The following CNIH3 variants were observed in gnomAD, a reference collection of about 807,000 sequenced individuals.
CNIH3 encodes the protein cornichon family AMPA receptor auxiliary protein 3, also known as protein cornichon homolog 3.
CNIH3 carries 14 observed loss-of-function variants against 24.1 expected under a neutral mutation model. The ratio of observed to expected loss-of-function variants is 0.58; its 90% CI spans 0.38 to 0.91. CNIH3 has a LOEUF of 0.91. CNIH3 is among the 40% of genes least tolerant of loss of function. The pLI, the probability that CNIH3 is intolerant of heterozygous loss-of-function variation, is 0.00. For synonymous variants in CNIH3, 68 were observed against 73.8 expected, an observed-to-expected ratio of 0.92 and a Z score of 0.40; for missense variants, 178 against 196.8, an observed-to-expected ratio of 0.90 and a Z score of 0.57.
At chr1:224,507,638 C>T (rs1291776928) in intron 1 of CNIH3, among the ~76,000 whole-genome samples, 1 of 152,150 alleles carries the variant, frequency 6.6e-6, no homozygotes, top group Admixed American at 6.5e-5. Context: ...CAAAACTCAC[C>T]TTCATCTCTG....
At position 224,734,123 on chromosome 1, in the gene CNIH3, A is replaced by G. The variant is rs548428941; in HGVS notation, c.312-440A>G. ...GCACCTGTAAACTGCTCTGCGCTCA[A>G]GTGAGAATAGGATGTCCCGAAGTAT... On this transcript the variant is annotated intron_variant, in intron 4 of 5. Transcript: ENST00000272133. Among the ~76,000 whole-genome samples the G allele has an allele frequency of 1.1e-4, 17 of 152,298 alleles. No homozygotes were observed. In the East Asian group the frequency reaches 3.3e-3, roughly 29 times the overall value.
intron 3 of CNIH3, among the ~76,000 whole-genome samples, chr1:224,725,580 A>C (rs746341465): frequency 2.0e-5 from 3 of 152,210 alleles, no homozygotes; most frequent in Non-Finnish European, 4.4e-5. Flanking sequence ...ACTCAGTGCC[A>C]GGAGCTTCCC....
At chr1:224,579,923 C>A (rs1197085123) in intron 4 of CNIH3, among the ~76,000 whole-genome samples, 1 of 152,146 alleles carries the variant, frequency 6.6e-6, no homozygotes, top group Non-Finnish European at 1.5e-5. Context: ...TTATACCCAG[C>A]CTTAGGTATT....
At chr1:224,582,184 T>C in intron 4 of CNIH3, among the ~76,000 whole-genome samples, 1 of 152,222 alleles carries the variant, frequency 6.6e-6, no homozygotes. Flanking sequence ...GGGGTTCCCT[T>C]CATCCTTTCT....
At chr1:224,671,534 G>A (rs1685867183) in intron 1 of CNIH3, among the ~76,000 whole-genome samples, 1 of 152,208 alleles carries the variant, frequency 6.6e-6, no homozygotes, top group South Asian at 2.1e-4. Flanking sequence ...AGATGGGGAA[G>A]GTGAGGACTG....
At chr1:224,477,834 C>T (rs537532708) in intron 1 of CNIH3, among the ~76,000 whole-genome samples, 25 of 152,258 alleles carry the variant, frequency 1.6e-4, no homozygotes, top group African/African-American at 5.8e-4. Flanking sequence ...TTTAGCATTT[C>T]TTGTAGGAAG....
intron 1 of CNIH3, among the ~76,000 whole-genome samples, chr1:224,667,482 C>T (rs1175615411): frequency 2.6e-5 from 4 of 152,184 alleles, no homozygotes; most frequent in Non-Finnish European, 5.9e-5. Context: ...AGGCAGCGAT[C>T]TCTTGTTGAA....
At chr1:224,661,396 C>T (rs182259660) in intron 1 of CNIH3, 6 of 262,708 alleles carry the variant, frequency 2.3e-5, no homozygotes, top group East Asian at 1.1e-4. Context: ...GACCTAGTGA[C>T]GAGAATGAAG....
intron 1 of CNIH3, among the ~76,000 whole-genome samples, chr1:224,447,147 G>A (rs913892960): frequency 8.5e-5 from 13 of 152,164 alleles, no homozygotes; most frequent in African/African-American, 2.9e-4. Context: ...AGGCTGAGAA[G>A]CCCCTCAATA....
intron 4 of CNIH3, among the ~76,000 whole-genome samples, chr1:224,573,653 A>G (rs1389688065): frequency 6.6e-6 from 1 of 152,198 alleles, no homozygotes; most frequent in Non-Finnish European, 1.5e-5. Flanking sequence ...TTTTGTGTGA[A>G]AATATAACAC....
chr1:224,532,516 C>T (rs1029362275), intron 2 of CNIH3, among the ~76,000 whole-genome samples: 3 of 152,136 alleles, frequency 2.0e-5, no homozygotes, highest in Middle Eastern at 3.2e-3. Context: ...GATGGCGGCT[C>T]CCATCTGGGT....
At chr1:224,655,057 A>G (rs298735) in intron 1 of CNIH3, among the ~76,000 whole-genome samples, 89,171 of 152,030 alleles carry the variant, frequency 0.59, 28,370 homozygotes, top group African/African-American at 0.83. Flanking sequence ...ATAGGGTTAA[A>G]AAACCAACAG....
At chr1:224,541,779 T>G (rs1679520913), downstream of CNIH3, among the ~76,000 whole-genome samples, 1 of 152,198 alleles carries the variant, frequency 6.6e-6, no homozygotes, top group African/African-American at 2.4e-5. Context: ...TGTCATTAAC[T>G]AATTTTGTGA....
intron 1 of CNIH3, among the ~76,000 whole-genome samples, chr1:224,489,378 T>C (rs1396634176): frequency 4.6e-5 from 7 of 152,212 alleles, no homozygotes; most frequent in African/African-American, 1.7e-4. Context: ...CCAGCATCTA[T>C]ATTTCCCTCA....
intron 3 of CNIH3, among the ~76,000 whole-genome samples, chr1:224,715,159 AG>A (rs1246628490): frequency 6.6e-6 from 1 of 152,130 alleles, no homozygotes; most frequent in Non-Finnish European, 1.5e-5. Context: ...CACCAAATCC[AG>A]GGGGCATTTT....
At chr1:224,573,332 G>A (rs958104688) in intron 4 of CNIH3, among the ~76,000 whole-genome samples, 3 of 152,230 alleles carry the variant, frequency 2.0e-5, no homozygotes, top group South Asian at 4.1e-4. Flanking sequence ...TGTAGGAAGT[G>A]GGGGCTTAAA....
At chr1:224,546,056 A>T (rs74146383) in intron 2 of CNIH3, among the ~76,000 whole-genome samples, 2,578 of 152,024 alleles carry the variant, frequency 0.017, 79 homozygotes, top group African/African-American at 0.058. Flanking sequence ...CACCCTAATG[A>T]CCTCATTTTA....
chr1:224,626,319 T>C (rs920674412), intron 1 of CNIH3, among the ~76,000 whole-genome samples: 9 of 152,194 alleles, frequency 5.9e-5, no homozygotes, highest in Admixed American at 2.6e-4. Context: ...TGGAATCTGC[T>C]TAACTCCCAC....
chr1:224,502,917 G>T (rs920191404), intron 1 of CNIH3, among the ~76,000 whole-genome samples: 3 of 152,110 alleles, frequency 2.0e-5, no homozygotes, highest in Non-Finnish European at 4.4e-5. Flanking sequence ...GAGTTGACAG[G>T]GGGTAGAACA....
Sources: gnomAD v4.1 joint callset for allele counts (sites outside exome capture counted in the v4.1 genomes callset) on GRCh38, gnomAD v4.1.1 for gene constraint, MANE v1.5 for transcripts, NCBI Gene and HGNC (gene_info 2026-07-23, HGNC 2026-07-21) for gene names.